Variants in ABCC12 observed in about 807,000 individuals in gnomAD.
The protein encoded by ABCC12 is ATP-binding cassette sub-family C member 12.
In ABCC12, 142 loss-of-function variants were observed where a neutral mutation model predicts 151.1. The ratio of observed to expected loss-of-function variants is 0.94; its 90% CI spans 0.82 to 1.08. The LOEUF is 1.08. Among genes scored for constraint, ABCC12 ranks in the 50% least tolerant of loss-of-function variants. ABCC12 has a pLI of 0.00. For synonymous variants in ABCC12, 645 were observed against 646.4 expected, an observed-to-expected ratio of 1.00 and a Z score of 0.03; for missense variants, 1,638 against 1,691.1, an observed-to-expected ratio of 0.97 and a Z score of 0.55.
rs917811485 is a variant in ABCC12, at chr16:48,081,774, A to T, written c.*1941T>A. On this transcript the variant is annotated 3_prime_UTR_variant, in exon 31 of 31. Coordinates refer to ENST00000311303, the MANE Select transcript of ABCC12 (RefSeq NM_001393797.1). ...GTCATAGGAGGTGATTCATCTCTCA[A>T]TGCATCTGAAGGAGCAGCAGGGATC... Among the ~76,000 whole-genome samples, 1 of 152,198 alleles carries T rather than the reference A, an allele frequency of 6.6e-6. No homozygotes were observed. The highest frequency in any genetic ancestry group is 6.5e-5 in the Admixed American group (1 of 15,282).
At chr16:48,106,883 T>C (rs746182884) in intron 20 of ABCC12, among the ~76,000 whole-genome samples, 1 of 152,250 alleles carries the variant, frequency 6.6e-6, no homozygotes, top group Non-Finnish European at 1.5e-5. Flanking sequence ...TTGCCCATCC[T>C]GTTCATGCAG....
At chr16:48,149,649 A>ATAGATGTCCATTAAT (rs1555520988) in intron 2 of ABCC12, among the ~76,000 whole-genome samples, 1 of 152,174 alleles carries the variant, frequency 6.6e-6, no homozygotes, top group Non-Finnish European at 1.5e-5. Flanking sequence ...CACTGAAATT[A>ATAGATGTCCATTAAT]CAGAAGACAT....
At chr16:48,111,951 A>T (rs1283029707) in intron 15 of ABCC12, 41 bp from the exon 16 acceptor site, 1 of 1,598,886 alleles carries the variant, frequency 6.3e-7, no homozygotes, top group South Asian at 1.1e-5. Flanking sequence ...CTGCCTGGAA[A>T]GGAGAGCCCA....
chr16:48,084,026 G>T lies in ABCC12; in HGVS notation c.3876C>A (p.Asp1292Glu). Reference protein sequence around the residue: ...EATASMDSKTDTLVQNTIKDA... With the variant: ...EATASMDSKTETLVQNTIKDA... ...CTTTGATGGTGTTCTGAACCAGGGT[G>T]TCAGTCTTGGAGTCCATAGAGGCGG... The change falls in exon 30 of 31, where the codon GAC becomes GAA. Residue 1292 changes from aspartate (D) to glutamate (E), a missense_variant. Transcript: ENST00000311303. 1.2e-6 allele frequency: 2 copies of T among 1,612,696 alleles called. No individual in the cohort carries two copies. Among genetic ancestry groups the T allele is most frequent in the Non-Finnish European group, 1.7e-6 (2 of 1,179,720 alleles).
chr16:48,139,328 A>T lies in ABCC12; in HGVS notation c.666T>A (p.Asn222Lys), dbSNP rs753379021. The T allele has an allele frequency of 3.7e-6, 6 of 1,602,138 alleles. No individual in the cohort carries two copies. The highest frequency in any genetic ancestry group is 5.1e-6 in the Non-Finnish European group (6 of 1,176,796). ...LTHISVGEVL[N>K]ILSSDSYSLF... ...AAGAATAGCTATCACTTGACAGTATATTGAGCACCTGGAAAGAAAAGCGCA... is the reference window on the plus strand; with the variant it reads ...AAGAATAGCTATCACTTGACAGTATTTTGAGCACCTGGAAAGAAAAGCGCA... Residue 222 changes from asparagine to lysine, a missense_variant, in exon 7 of 31, where the codon AAT becomes AAA. Coordinates refer to ENST00000311303, the MANE Select transcript of ABCC12 (RefSeq NM_001393797.1).
At chr16:48,108,281 A>T (rs562553015) in intron 19 of ABCC12, among the ~76,000 whole-genome samples, 159 bp downstream of exon 19, 4 of 152,366 alleles carry the variant, frequency 2.6e-5, no homozygotes, top group Non-Finnish European at 5.9e-5. Flanking sequence ...GTATTATCAG[A>T]CGTTAGTTTT....
intron 22 of ABCC12, among the ~76,000 whole-genome samples, chr16:48,103,658 A>G (rs900911594): frequency 6.6e-6 from 1 of 152,062 alleles, no homozygotes; most frequent in Admixed American, 6.5e-5. Flanking sequence ...ACCCCAGCTC[A>G]CCCCAGGAAC....
intron 14 of ABCC12, among the ~76,000 whole-genome samples, chr16:48,116,462 C>G: frequency 6.6e-6 from 1 of 152,106 alleles, no homozygotes; most frequent in East Asian, 1.9e-4. Flanking sequence ...CTTGAGGAGG[C>G]AGATTTTGGG....
At chr16:48,140,658 C>T (rs1964772312) in intron 6 of ABCC12, 29 bp downstream of exon 6, 1 of 1,603,798 alleles carries the variant, frequency 6.2e-7, no homozygotes, top group Admixed American at 1.7e-5. Context: ...GCCCATTTTC[C>T]AACATTAAAC....
At chr16:48,092,188 A>G (rs1962926996) in intron 24 of ABCC12, among the ~76,000 whole-genome samples, 1 of 152,248 alleles carries the variant, frequency 6.6e-6, no homozygotes, top group Non-Finnish European at 1.5e-5. Flanking sequence ...CTCTTGTTTG[A>G]AGCCTGCAAG....
chr16:48,127,350 C>T (rs2150648172), intron 11 of ABCC12, among the ~76,000 whole-genome samples: 1 of 152,272 alleles, frequency 6.6e-6, no homozygotes, highest in Non-Finnish European at 1.5e-5. Context: ...GCAGGAGATG[C>T]AGGAAGAGGC....
chr16:48,093,516 G>A (rs867191096), intron 24 of ABCC12, among the ~76,000 whole-genome samples: 12 of 152,044 alleles, frequency 7.9e-5, no homozygotes, highest in African/African-American at 1.2e-4. Context: ...TCCTCCACTC[G>A]TTGTCTTCCT....
chr16:48,091,234 C>T, intron 24 of ABCC12, 25 bp from the exon 25 acceptor site: 1 of 1,607,692 alleles, frequency 6.2e-7, no homozygotes, highest in Non-Finnish European at 8.5e-7. Flanking sequence ...CGAGCAGCCG[C>T]AGTTAGAGCC....
chr16:48,105,606 G>A (rs111698067), intron 20 of ABCC12, among the ~76,000 whole-genome samples: 4 of 152,324 alleles, frequency 2.6e-5, no homozygotes, highest in African/African-American at 9.6e-5. Flanking sequence ...GATGGGCACT[G>A]GGCAGACATC....
At chr16:48,137,142 G>A (rs968382804) in intron 8 of ABCC12, among the ~76,000 whole-genome samples, 1 of 152,182 alleles carries the variant, frequency 6.6e-6, no homozygotes, top group East Asian at 1.9e-4. Flanking sequence ...GCATAGTCCA[G>A]GAGAGAGAGG....
rs535157343 is a variant in ABCC12 at position 48,115,999 on chromosome 16, G to A, written c.1786-381C>T. Among the ~76,000 whole-genome samples, 9 of 152,298 alleles carry A rather than the reference G, an allele frequency of 5.9e-5. No homozygotes were observed. The South Asian group carries it at 1.9e-3, about 32-fold the overall frequency. ...GGGGAGAATGCAGCAGTGAACCAGA[G>A]GGAAACGTGGCTGGGTGCAGATGGA... On this transcript the variant is annotated intron_variant, in intron 14 of 30. Transcript: ENST00000311303.
intron 3 of ABCC12, among the ~76,000 whole-genome samples, chr16:48,145,000 T>C (rs1964950170): frequency 6.6e-6 from 1 of 152,178 alleles, no homozygotes; most frequent in Non-Finnish European, 1.5e-5. Flanking sequence ...AGTGGTGAGA[T>C]GGGAATTCAA....
chr16:48,143,819 C>T, intron 4 of ABCC12, 91 bp downstream of exon 4: 1 of 1,482,034 alleles, frequency 6.7e-7, no homozygotes, highest in East Asian at 2.4e-5. Context: ...TCCATTAAAC[C>T]TCTTTTTCTT....
At chr16:48,142,839 C>G (rs1964863799) in intron 4 of ABCC12, among the ~76,000 whole-genome samples, 1 of 152,066 alleles carries the variant, frequency 6.6e-6, no homozygotes. Flanking sequence ...AAAACATGAT[C>G]TGTGAGTGGG....
Sources: gnomAD v4.1 joint callset for allele counts (sites outside exome capture counted in the v4.1 genomes callset) on GRCh38, gnomAD v4.1.1 for gene constraint, MANE v1.5 for transcripts, NCBI Gene and HGNC (gene_info 2026-07-23, HGNC 2026-07-21) for gene names.